ALPK1: variants seen among roughly 807,000 people sequenced by gnomAD.
ALPK1 encodes alpha-protein kinase 1.
A neutral mutation model predicts 120.6 loss-of-function variants in ALPK1; 110 were observed. That is an observed-to-expected ratio of 0.91 (90% CI 0.78 to 1.07). The LOEUF (loss-of-function observed/expected upper bound fraction) is 1.07, where lower values mean the gene tolerates loss of function less well. ALPK1 is among the 50% of genes least tolerant of loss of function. The pLI, the probability that ALPK1 is intolerant of heterozygous loss-of-function variation, is 0.00. For missense variants in ALPK1, 1,498 were observed against 1,483.9 expected (o/e 1.01, Z -0.16); for synonymous variants, 582 against 560.3 (o/e 1.04, Z -0.55).
chr4:112,397,925 A>G (rs1446124183), intron 4 of ALPK1, among the ~76,000 whole-genome samples: 5 of 152,186 alleles, frequency 3.3e-5, no homozygotes, highest in Non-Finnish European at 5.9e-5. Flanking sequence ...ACTGTTGATG[A>G]GATTGGGCAC....
At chr4:112,375,758 T>C (rs1163911759) in intron 2 of ALPK1, among the ~76,000 whole-genome samples, 1 of 152,130 alleles carries the variant, frequency 6.6e-6, no homozygotes, top group East Asian at 1.9e-4. Flanking sequence ...TTTTTTTTTT[T>C]TTTTGCATTC....
intron 2 of ALPK1, among the ~76,000 whole-genome samples, chr4:112,319,889 A>G (rs1445717830): frequency 6.6e-6 from 1 of 152,200 alleles, no homozygotes; most frequent in Non-Finnish European, 1.5e-5. Flanking sequence ...GTGTACATTA[A>G]TTTTGTATCC....
rs147632176 is a variant in ALPK1 at position 112,377,566 on chromosome 4, G to A, written c.-100-112G>A. 3.2e-4 allele frequency: 123 copies of A among 386,696 alleles called. 2 individuals carry two copies. In the Middle Eastern group the frequency reaches 7.4e-3, roughly 23 times the overall value. 24.0% of individuals were successfully genotyped at this position (386,696 alleles called of 1,614,324 possible). On this transcript the variant is annotated intron_variant, in intron 2 of 15. Transcript: ENST00000650871. ...CACACACTCCTCTAATAAAGTCCTC[G>A]GGGGCTGTCATGTATTTTCCTCTGT...
intron 2 of ALPK1, among the ~76,000 whole-genome samples, chr4:112,353,963 A>T (rs1730483793): frequency 6.6e-6 from 1 of 152,196 alleles, no homozygotes; most frequent in Non-Finnish European, 1.5e-5. Context: ...ATGAGGTCAG[A>T]CACTTTTCAT....
chr4:112,425,841 C>A, intron 7 of ALPK1, 90 bp downstream of exon 7: 3 of 1,046,792 alleles, frequency 2.9e-6, no homozygotes, highest in South Asian at 3.0e-5. Context: ...TTTTATCAGG[C>A]TAAAATTGTT....
At position 112,439,822 on chromosome 4, in the gene ALPK1, A is replaced by G. The variant is rs1301061165; in HGVS notation, c.3488A>G (p.His1163Arg). The G allele has an allele frequency of 1.2e-6, 2 of 1,610,892 alleles. No homozygotes were observed. The highest frequency in any genetic ancestry group is 2.7e-5 in the African/African-American group (2 of 74,800). ...ACAGAATATGGCTTGGCCTATGGCC[A>G]TTTTTCTTATGAGTTTTCTAATCAT... ...KATEYGLAYG[H>R]FSYEFSNHRD... The change falls in exon 14 of 16, where the codon CAT becomes CGT. Residue 1163 changes from histidine (H) to arginine (R), a missense_variant. Physicochemically the swap from His to Arg is conservative, Grantham distance 29. Coordinates refer to ENST00000650871, the MANE Select transcript of ALPK1 (RefSeq NM_025144.4).
At chr4:112,397,584 T>C (rs1312618944) in intron 4 of ALPK1, among the ~76,000 whole-genome samples, 2 of 152,224 alleles carry the variant, frequency 1.3e-5, no homozygotes, top group African/African-American at 4.8e-5. Flanking sequence ...GCCAGACCCC[T>C]AACCTGTCTC....
intron 2 of ALPK1, among the ~76,000 whole-genome samples, chr4:112,351,105 T>C (rs1730333938): frequency 6.6e-6 from 1 of 152,210 alleles, no homozygotes; most frequent in Non-Finnish European, 1.5e-5. Context: ...CCATGGCTGA[T>C]GGAGTGGGTA....
chr4:112,394,779 A>C (rs1428770853), intron 4 of ALPK1, among the ~76,000 whole-genome samples: 1 of 152,206 alleles, frequency 6.6e-6, no homozygotes, highest in Non-Finnish European at 1.5e-5. Flanking sequence ...AGGCCTGAAG[A>C]CTGAGCCAAG....
intron 2 of ALPK1, among the ~76,000 whole-genome samples, chr4:112,319,949 T>C (rs1560635174): frequency 6.6e-6 from 1 of 152,186 alleles, no homozygotes; most frequent in Non-Finnish European, 1.5e-5. Flanking sequence ...TTTGGATGAG[T>C]CCTTAGGGTT....
At chr4:112,399,594 A>G (rs1352923592) in intron 4 of ALPK1, among the ~76,000 whole-genome samples, 1 of 151,816 alleles carries the variant, frequency 6.6e-6, no homozygotes, top group Non-Finnish European at 1.5e-5. Flanking sequence ...TCTTTTTTTT[A>G]TTTTACTTTA....
rs777250249 is a variant in ALPK1 at position 112,431,646 on chromosome 4, A to C, written c.2099A>C (p.Glu700Ala). The C allele has an allele frequency of 1.2e-6, 2 of 1,614,160 alleles. No homozygotes were observed. Among genetic ancestry groups the C allele is most frequent in the Non-Finnish European group, 1.7e-6 (2 of 1,180,008 alleles). ...LLEGAPEGIQ[E>A]VRNMGPRNTS... ...GAAGGAGCTCCAGAAGGTATCCAGG[A>C]AGTCAGAAATATGGGACCCAGAAAT... The change falls in exon 11 of 16, where the codon GAA becomes GCA. Residue 700 changes from glutamate (E) to alanine (A), a missense_variant. Physicochemically the swap from Glu to Ala is moderately radical, Grantham distance 107. Coordinates refer to ENST00000650871, the MANE Select transcript of ALPK1 (RefSeq NM_025144.4).
chr4:112,413,850 C>T (rs577211814), intron 5 of ALPK1, among the ~76,000 whole-genome samples: 1 of 152,314 alleles, frequency 6.6e-6, no homozygotes, highest in South Asian at 2.1e-4. Context: ...ATAGGATGCT[C>T]CTCTGCTCAC....
At chr4:112,407,059 T>C (rs1359022345) in intron 4 of ALPK1, among the ~76,000 whole-genome samples, 2 of 152,234 alleles carry the variant, frequency 1.3e-5, no homozygotes, top group Non-Finnish European at 2.9e-5. Context: ...TCTTGTGTTA[T>C]AGGAGTGTCA....
At position 112,325,350 on chromosome 4, in the gene ALPK1, T is replaced by C. The variant is rs556569191; in HGVS notation, c.-101+9498T>C. 7.8e-4 allele frequency among the ~76,000 whole-genome samples: 119 copies of C among 152,332 alleles called. 1 individual carries two copies. Among genetic ancestry groups the C allele is most frequent in the African/African-American group, 2.7e-3 (112 of 41,572 alleles). Reference sequence around the variant, plus strand: ...AAATTGAACTACAAATCAAAGATCATATGAATAAATATGGTCAGACTTAAA... The same window carrying C: ...AAATTGAACTACAAATCAAAGATCACATGAATAAATATGGTCAGACTTAAA... On this transcript the variant is annotated intron_variant, in intron 2 of 15. Transcript: ENST00000650871.
chr4:112,393,396 G>T (rs1182174336), intron 4 of ALPK1, among the ~76,000 whole-genome samples: 6 of 152,118 alleles, frequency 3.9e-5, no homozygotes, highest in African/African-American at 1.4e-4. Flanking sequence ...CTAATTAAAA[G>T]AAAATAACAA....
intron 1 of ALPK1, among the ~76,000 whole-genome samples, chr4:112,303,929 G>A (rs1727904005): frequency 6.6e-6 from 1 of 151,990 alleles, no homozygotes. Context: ...GCCCCGGTGT[G>A]TGATGTTCCC....
intron 1 of ALPK1, among the ~76,000 whole-genome samples, chr4:112,312,312 C>T (rs773602899): frequency 4.0e-5 from 6 of 151,408 alleles, no homozygotes; most frequent in Non-Finnish European, 7.4e-5. Flanking sequence ...CTTGCTCTGT[C>T]GCCCAGGCTG....
At chr4:112,351,139 G>A (rs895080277) in intron 2 of ALPK1, among the ~76,000 whole-genome samples, 6 of 152,160 alleles carry the variant, frequency 3.9e-5, no homozygotes, top group Non-Finnish European at 5.9e-5. Flanking sequence ...AGTATGAGCG[G>A]CAGCCTCTGC....
Sources: gnomAD v4.1 joint callset for allele counts (sites outside exome capture counted in the v4.1 genomes callset) on GRCh38, gnomAD v4.1.1 for gene constraint, MANE v1.5 for transcripts, NCBI Gene and HGNC (gene_info 2026-07-23, HGNC 2026-07-21) for gene names.